The following OR7E24 variants were observed in gnomAD, a reference collection of about 807,000 sequenced individuals.
OR7E24 encodes the protein olfactory receptor 7E24.
For synonymous variants in OR7E24, 130 were observed against 157.5 expected (o/e 0.83, Z 1.31); for missense variants, 385 against 410.3 (o/e 0.94, Z 0.53).
chr19:9,241,107 C>T, the OR7E24 span, among the ~76,000 whole-genome samples: 1 of 152,142 alleles, frequency 6.6e-6, no homozygotes, highest in South Asian at 2.1e-4. Flanking sequence ...TGAGCCATTG[C>T]GCCAGGCCTG....
chr19:9,217,861 G>A, the OR7E24 span, among the ~76,000 whole-genome samples: 1 of 152,050 alleles, frequency 6.6e-6, no homozygotes, highest in Non-Finnish European at 1.5e-5. Flanking sequence ...ATTAGGGGAA[G>A]TAAGGAAAGG....
At chr19:9,218,684 C>T in the OR7E24 span, among the ~76,000 whole-genome samples, 3 of 152,000 alleles carry the variant, frequency 2.0e-5, no homozygotes, top group South Asian at 2.1e-4. Flanking sequence ...GGCTGGAGTG[C>T]GGGGTGCAGT....
chr19:9,236,289 G>A, the OR7E24 span, among the ~76,000 whole-genome samples: 1 of 152,140 alleles, frequency 6.6e-6, no homozygotes, highest in South Asian at 2.1e-4. Context: ...GAGGCGGGCA[G>A]ATCATGAGGT....
chr19:9,227,376 T>C, the OR7E24 span, among the ~76,000 whole-genome samples: 1 of 151,878 alleles, frequency 6.6e-6, no homozygotes, highest in African/African-American at 2.4e-5. Context: ...ACTACAGGCA[T>C]GAGCCACCAA....
chr19:9,207,244 TAAC>T, the OR7E24 span: 1 of 152,242 alleles, frequency 6.6e-6, no homozygotes, highest in Non-Finnish European at 1.5e-5. Flanking sequence ...GATAACATGG[TAAC>T]AACATCCCTA....
At chr19:9,230,414 T>C in the OR7E24 span, among the ~76,000 whole-genome samples, 1 of 152,170 alleles carries the variant, frequency 6.6e-6, no homozygotes, top group South Asian at 2.1e-4. Flanking sequence ...CTTGTTCTGT[T>C]CCTTTTCTTT....
At chr19:9,230,075 G>C in the OR7E24 span, among the ~76,000 whole-genome samples, 3 of 141,808 alleles carry the variant, frequency 2.1e-5, no homozygotes, top group Non-Finnish European at 4.6e-5. Flanking sequence ...ACAGAATTTT[G>C]CTCTTATTAC....
At chr19:9,210,686 TCA>T in the OR7E24 span, 39 of 149,512 alleles carry the variant, frequency 2.6e-4, 1 homozygote, top group Non-Finnish European at 3.3e-4. Flanking sequence ...CTAGGTGATC[TCA>T]CACACACACA....
the OR7E24 span, among the ~76,000 whole-genome samples, chr19:9,233,177 C>G: frequency 6.6e-6 from 1 of 152,204 alleles, no homozygotes; most frequent in Non-Finnish European, 1.5e-5. Flanking sequence ...TATTTCAGAA[C>G]CCAACTTCCT....
the OR7E24 span, among the ~76,000 whole-genome samples, chr19:9,231,857 T>C: frequency 6.6e-6 from 1 of 152,192 alleles, no homozygotes; most frequent in Non-Finnish European, 1.5e-5. Flanking sequence ...TTCAATTTAG[T>C]GTCTATATTC....
chr19:9,239,505 C>T, the OR7E24 span, among the ~76,000 whole-genome samples: 80 of 152,036 alleles, frequency 5.3e-4, no homozygotes, highest in African/African-American at 1.7e-3. Flanking sequence ...CATTCTAACA[C>T]GTACAAGGTG....
Position 9,251,755 on chromosome 19 carries a change from A to C in OR7E24, c.712A>C (p.Lys238Gln). The C allele has an allele frequency of 6.2e-7, 1 of 1,611,640 alleles. No homozygotes were observed. Among genetic ancestry groups the C allele is most frequent in the Non-Finnish European group, 8.5e-7 (1 of 1,178,782 alleles). ...PISGILFSYY[K>Q]IVSPILRVPT... is the part of the protein sequence containing the mutation. ...CTCAGGGATCCTTTTCTCTTACTATAAAATTGTTTCCCCCATTCTGAGAGT... is the reference window on the plus strand; with the variant it reads ...CTCAGGGATCCTTTTCTCTTACTATCAAATTGTTTCCCCCATTCTGAGAGT... Residue 238 changes from lysine to glutamine, a missense_variant, in exon 1 of 1, where the codon AAA becomes CAA. Coordinates refer to ENST00000456448, the MANE Select transcript of OR7E24 (RefSeq NM_001079935.2).
the OR7E24 span, among the ~76,000 whole-genome samples, chr19:9,242,153 A>G: frequency 6.6e-6 from 1 of 152,354 alleles, no homozygotes; most frequent in East Asian, 1.9e-4. Flanking sequence ...TGAAAATCAT[A>G]CAATAGTCAA....
At chr19:9,239,231 G>T in the OR7E24 span, among the ~76,000 whole-genome samples, 1 of 151,406 alleles carries the variant, frequency 6.6e-6, no homozygotes, top group African/African-American at 2.4e-5. Context: ...GTGCAGTGAT[G>T]CAATCTTGGC....
chr19:9,249,466 T>C (rs927066268), upstream of OR7E24, among the ~76,000 whole-genome samples: 2 of 152,192 alleles, frequency 1.3e-5, no homozygotes, highest in African/African-American at 4.8e-5. Flanking sequence ...TTTGTGTCTA[T>C]ATTATGGACA....
the OR7E24 span, chr19:9,214,302 C>T: frequency 6.2e-7 from 1 of 1,614,072 alleles, no homozygotes; most frequent in South Asian, 1.1e-5. Context: ...AGCCGGTTCA[C>T]AGAAGAAATG....
the OR7E24 span, chr19:9,235,803 G>C: frequency 6.2e-7 from 1 of 1,611,408 alleles, no homozygotes; most frequent in South Asian, 1.1e-5. Flanking sequence ...CCTACTCTCA[G>C]ATTGTCTCCT....
the OR7E24 span, among the ~76,000 whole-genome samples, chr19:9,234,683 C>T: frequency 2.6e-5 from 4 of 152,102 alleles, no homozygotes; most frequent in African/African-American, 9.7e-5. Context: ...TATCACATGT[C>T]CCCCATAAAT....
chr19:9,241,866 G>A, the OR7E24 span, among the ~76,000 whole-genome samples: 1 of 152,074 alleles, frequency 6.6e-6, no homozygotes, highest in East Asian at 1.9e-4. Context: ...CAAAACACTT[G>A]TGATTTGGCT....
Sources: allele counts gnomAD v4.1 joint callset (sites outside exome capture counted in the v4.1 genomes callset), GRCh38; gene constraint gnomAD v4.1.1; transcripts MANE v1.5; gene names NCBI Gene and HGNC (gene_info 2026-07-23, HGNC 2026-07-21).